Variants in TNKS observed in about 807,000 individuals in gnomAD.
TNKS encodes the protein tankyrase, also known as poly [ADP-ribose] polymerase tankyrase-1.
In TNKS, 72 loss-of-function variants were observed where a neutral mutation model predicts 135.8. That is an observed-to-expected ratio of 0.53 (90% CI 0.44 to 0.64). The LOEUF (loss-of-function observed/expected upper bound fraction) is 0.64, where lower values mean the gene tolerates loss of function less well. Ranked by LOEUF, TNKS falls within the 30% of genes least tolerant of loss-of-function variation. The probability of loss-of-function intolerance (pLI) is 0.00; values close to 1 mark genes in which losing one functional copy is unlikely to be tolerated. For synonymous variants in TNKS, 849 were observed against 649.3 expected (o/e 1.31, Z -4.68); for missense variants, 1,769 against 1,674.0 (o/e 1.06, Z -0.99).
At chr8:9,666,449 G>A (rs954395196) in intron 3 of TNKS, among the ~76,000 whole-genome samples, 3 of 152,212 alleles carry the variant, frequency 2.0e-5, no homozygotes, top group Non-Finnish European at 4.4e-5. Context: ...GCTGGGTGTG[G>A]TAGCTCACGC....
intron 3 of TNKS, chr8:9,679,658 G>C (rs1046495186): frequency 6.1e-6 from 2 of 329,998 alleles, no homozygotes; most frequent in Non-Finnish European, 1.1e-5. Context: ...CAGCTGGCAT[G>C]CTGTTATCAG....
chr8:9,567,984 T>C (rs4599815), intron 1 of TNKS, among the ~76,000 whole-genome samples: 2,058 of 152,286 alleles, frequency 0.014, 42 homozygotes, highest in African/African-American at 0.047. Flanking sequence ...TTAGCCTCTC[T>C]ATTGTCCTGG....
At chr8:9,614,556 AATGTGT>A (rs1159119220) in intron 2 of TNKS, among the ~76,000 whole-genome samples, 5 of 152,218 alleles carry the variant, frequency 3.3e-5, no homozygotes, top group African/African-American at 1.2e-4. Context: ...ACGGCTTGGT[AATGTGT>A]GAGTATTACC....
At chr8:9,765,048 C>T (rs936112841) in intron 23 of TNKS, among the ~76,000 whole-genome samples, 1 of 152,182 alleles carries the variant, frequency 6.6e-6, no homozygotes, top group Non-Finnish European at 1.5e-5. Flanking sequence ...GTGATACTTA[C>T]GTGGATATTG....
intron 3 of TNKS, among the ~76,000 whole-genome samples, chr8:9,662,144 G>A (rs1424398814): frequency 6.6e-6 from 1 of 152,156 alleles, no homozygotes; most frequent in Non-Finnish European, 1.5e-5. Context: ...TACACTGTTG[G>A]TGGGACTGTA....
intron 12 of TNKS, among the ~76,000 whole-genome samples, chr8:9,724,758 G>A (rs932681738): frequency 6.6e-5 from 10 of 152,096 alleles, no homozygotes; most frequent in African/African-American, 1.7e-4. Flanking sequence ...TCTTTAACCA[G>A]GACTAATAAT....
chr8:9,725,993 A>G (rs1805140688), intron 12 of TNKS, among the ~76,000 whole-genome samples: 1 of 152,252 alleles, frequency 6.6e-6, no homozygotes, highest in African/African-American at 2.4e-5. Flanking sequence ...AAGCCATTCA[A>G]TAAATGTGAA....
At chr8:9,667,017 T>A (rs557361847) in intron 3 of TNKS, among the ~76,000 whole-genome samples, 1 of 152,310 alleles carries the variant, frequency 6.6e-6, no homozygotes, top group African/African-American at 2.4e-5. Flanking sequence ...ATGATTTAGT[T>A]CTTGAGTGTT....
intron 1 of TNKS, among the ~76,000 whole-genome samples, chr8:9,573,893 T>C (rs1246400249): frequency 6.6e-6 from 1 of 152,200 alleles, no homozygotes; most frequent in African/African-American, 2.4e-5. Flanking sequence ...TCAGAAGTCA[T>C]AGTTGTCAGT....
chr8:9,769,621 T>TG lies in TNKS; in HGVS notation c.3741-485_3741-484insG, dbSNP rs1164454373. Reference sequence around the variant, plus strand: ...TACTGGCAGGCATTTTCTTTTTTTTTTTTTTTTTTTTTTTTTGAGACGGAG... The same window carrying TG: ...TACTGGCAGGCATTTTCTTTTTTTTTGTTTTTTTTTTTTTTTTGAGACGGAG... On this transcript the variant is annotated intron_variant, in intron 25 of 26. Coordinates refer to ENST00000310430, the MANE Select transcript of TNKS (RefSeq NM_003747.3). Among the ~76,000 whole-genome samples the TG allele has an allele frequency of 2.5e-3, 334 of 136,070 alleles. 3 individuals are homozygous for TG. Among genetic ancestry groups the TG allele is most frequent in the African/African-American group, 9.1e-3 (314 of 34,430 alleles). 89.3% of individuals were successfully genotyped at this position (136,070 alleles called of 152,430 possible).
rs777345195 is a variant in TNKS at position 9,556,588 on chromosome 8, T to A, written c.649T>A (p.Ser217Thr). 1 of 1,613,706 alleles carries A rather than the reference T, an allele frequency of 6.2e-7. No homozygotes were observed. Residue 217 changes from serine (S) to threonine (T), a missense_variant, in exon 1 of 27, where the codon TCT (serine) becomes ACT (threonine). Transcript: ENST00000310430. ...VNAKDMAGRK[S>T]SPLHFAAGFG... ...TGCAAAGGACATGGCCGGCCGGAAGTCTTCTCCCCTGCACTTCGCTGCAGG... is the reference window on the plus strand; with the variant it reads ...TGCAAAGGACATGGCCGGCCGGAAGACTTCTCCCCTGCACTTCGCTGCAGG...
intron 3 of TNKS, among the ~76,000 whole-genome samples, chr8:9,671,758 G>A (rs977790270): frequency 7.9e-5 from 12 of 152,138 alleles, no homozygotes; most frequent in African/African-American, 2.2e-4. Flanking sequence ...ATTATACTTC[G>A]AAAAATGAAT....
At chr8:9,659,521 T>A (rs1168603967) in intron 3 of TNKS, among the ~76,000 whole-genome samples, 1 of 152,130 alleles carries the variant, frequency 6.6e-6, no homozygotes, top group African/African-American at 2.4e-5. Context: ...GAAATAAAGA[T>A]GTTCTTTGAA....
intron 3 of TNKS, among the ~76,000 whole-genome samples, chr8:9,652,453 T>G (rs1182476856): frequency 6.6e-6 from 1 of 152,226 alleles, no homozygotes; most frequent in Non-Finnish European, 1.5e-5. Context: ...TTTCTGTAGC[T>G]TCTCACATTG....
chr8:9,707,545 T>G (rs1804108170), intron 8 of TNKS, among the ~76,000 whole-genome samples: 1 of 152,252 alleles, frequency 6.6e-6, no homozygotes, highest in African/African-American at 2.4e-5. Context: ...TATAATCACT[T>G]TCCCATATTT....
intron 1 of TNKS, among the ~76,000 whole-genome samples, chr8:9,575,597 A>G (rs1364313893): frequency 1.3e-5 from 2 of 152,250 alleles, no homozygotes; most frequent in East Asian, 3.8e-4. Flanking sequence ...CAGTACAGAA[A>G]TAGGAAAGGT....
At chr8:9,774,813 C>G (rs938632561) in intron 26 of TNKS, among the ~76,000 whole-genome samples, 6 of 152,118 alleles carry the variant, frequency 3.9e-5, no homozygotes, top group African/African-American at 1.4e-4. Context: ...ATGCAGACAC[C>G]GGCACTATTG....
chr8:9,632,021 T>C (rs1585254814), intron 3 of TNKS, among the ~76,000 whole-genome samples: 1 of 152,142 alleles, frequency 6.6e-6, no homozygotes, highest in Admixed American at 6.5e-5. Flanking sequence ...TTAATGGCAG[T>C]TTTATTTGTT....
intron 3 of TNKS, among the ~76,000 whole-genome samples, chr8:9,672,198 T>C (rs1239369448): frequency 6.6e-6 from 1 of 152,218 alleles, no homozygotes; most frequent in African/African-American, 2.4e-5. Flanking sequence ...ATGCCTAGTT[T>C]ATAAATTAAA....
Sources: gnomAD v4.1 joint callset for allele counts (sites outside exome capture counted in the v4.1 genomes callset) on GRCh38, gnomAD v4.1.1 for gene constraint, MANE v1.5 for transcripts, NCBI Gene and HGNC (gene_info 2026-07-23, HGNC 2026-07-21) for gene names.